AGBL4: variants seen among roughly 807,000 people sequenced by gnomAD.
AGBL4 encodes cytosolic carboxypeptidase 6.
A neutral mutation model predicts 66.4 loss-of-function variants in AGBL4; 58 were observed. The ratio of observed to expected loss-of-function variants is 0.87; its 90% CI spans 0.71 to 1.09. AGBL4 has a LOEUF of 1.09. AGBL4 is among the 50% of genes least tolerant of loss of function. AGBL4 has a pLI of 0.00. For missense variants in AGBL4, 579 were observed against 631.0 expected, an observed-to-expected ratio of 0.92 and a Z score of 0.88; for synonymous variants, 234 against 222.9, an observed-to-expected ratio of 1.05 and a Z score of -0.44.
chr1:49,606,695 G>A (rs554402895), intron 3 of AGBL4, among the ~76,000 whole-genome samples: 3 of 152,054 alleles, frequency 2.0e-5, no homozygotes, highest in East Asian at 3.9e-4. Context: ...TTATACATCA[G>A]GAAACAAAGA....
At chr1:49,508,941 T>C (rs1278677730) in intron 3 of AGBL4, among the ~76,000 whole-genome samples, 1 of 151,794 alleles carries the variant, frequency 6.6e-6, no homozygotes, top group Non-Finnish European at 1.5e-5. Context: ...ATGAGAATGA[T>C]ACAGAGAAGA....
chr1:48,630,156 G>T (rs1006937886), intron 9 of AGBL4, among the ~76,000 whole-genome samples: 1 of 152,188 alleles, frequency 6.6e-6, no homozygotes, highest in African/African-American at 2.4e-5. Context: ...ATCAACGGTA[G>T]TCCTCTTGGT....
At chr1:48,939,974 G>C (rs1210368386) in intron 5 of AGBL4, among the ~76,000 whole-genome samples, 5 of 152,160 alleles carry the variant, frequency 3.3e-5, no homozygotes, top group Non-Finnish European at 7.3e-5. Context: ...ACAATGCACA[G>C]GACAGACCAC....
intron 3 of AGBL4, among the ~76,000 whole-genome samples, chr1:49,299,172 C>T (rs1644698803): frequency 6.6e-6 from 1 of 152,072 alleles, no homozygotes; most frequent in African/African-American, 2.4e-5. Flanking sequence ...TTGTAAGTAA[C>T]TTGGCATAGG....
At chr1:49,644,827 G>A (rs1645853441) in intron 3 of AGBL4, among the ~76,000 whole-genome samples, 1 of 151,288 alleles carries the variant, frequency 6.6e-6, no homozygotes, top group Admixed American at 6.6e-5. Context: ...TCCTTTTAAA[G>A]GGCACATGAA....
intron 1 of AGBL4, among the ~76,000 whole-genome samples, chr1:49,861,684 G>T (rs1646576485): frequency 6.6e-6 from 1 of 152,158 alleles, no homozygotes; most frequent in Non-Finnish European, 1.5e-5. Context: ...AGGTAGCCCA[G>T]AAAACAGAGA....
At chr1:49,355,700 T>C (rs910393744) in intron 3 of AGBL4, among the ~76,000 whole-genome samples, 1 of 152,242 alleles carries the variant, frequency 6.6e-6, no homozygotes, top group African/African-American at 2.4e-5. Context: ...TCCAGCATAA[T>C]ACTTTTTTGC....
At chr1:48,633,232 C>A (rs1309102630) in intron 9 of AGBL4, among the ~76,000 whole-genome samples, 1 of 152,184 alleles carries the variant, frequency 6.6e-6, no homozygotes, top group Admixed American at 6.5e-5. Flanking sequence ...TCAGGACTGA[C>A]TTTTTCATTA....
intron 8 of AGBL4, among the ~76,000 whole-genome samples, chr1:48,644,335 C>T (rs747760006): frequency 6.6e-6 from 1 of 152,184 alleles, no homozygotes; most frequent in African/African-American, 2.4e-5. Context: ...CTGACTTTCC[C>T]TATCCCAACC....
At chr1:49,450,391 A>G (rs188244276) in intron 3 of AGBL4, among the ~76,000 whole-genome samples, 4 of 152,214 alleles carry the variant, frequency 2.6e-5, no homozygotes, top group Admixed American at 2.6e-4. Context: ...CAATATTTAA[A>G]AGTTGAGCAG....
At position 49,831,867 on chromosome 1, in the gene AGBL4, T is replaced by C. The variant is rs534690905; in HGVS notation, c.157+19529A>G. On this transcript the variant is annotated intron_variant, in intron 2 of 13. Coordinates refer to ENST00000371839, the MANE Select transcript of AGBL4 (RefSeq NM_032785.4). ...ACCTTTTCTGCATCTATGGAGATAATTGTGGCTGTTGTCATTGGTTCTGTT... is the reference window on the plus strand; with the variant it reads ...ACCTTTTCTGCATCTATGGAGATAACTGTGGCTGTTGTCATTGGTTCTGTT... Among the ~76,000 whole-genome samples, 131 of 152,290 alleles carry C rather than the reference T, an allele frequency of 8.6e-4. 1 individual carries two copies. Among genetic ancestry groups the C allele is most frequent in the African/African-American group, 3.0e-3 (126 of 41,572 alleles).
rs1266099090 is a variant in AGBL4, at chr1:48,709,923, C to T, written c.635-46682G>A. ...GGCCTGCCAGGCATTATTTTAAGAG[C>T]TTTGAATAATTAACCAATTGAATCT... On this transcript the variant is annotated intron_variant, in intron 6 of 13. Coordinates refer to ENST00000371839, the MANE Select transcript of AGBL4 (RefSeq NM_032785.4). Among the ~76,000 whole-genome samples, 3 of 152,088 alleles carry T rather than the reference C, an allele frequency of 2.0e-5. No homozygotes were observed. In the East Asian group the frequency reaches 5.8e-4, roughly 29 times the overall value.
chr1:49,485,572 C>G (rs1557984841), intron 3 of AGBL4, among the ~76,000 whole-genome samples: 1 of 150,524 alleles, frequency 6.6e-6, no homozygotes, highest in Non-Finnish European at 1.5e-5. Context: ...CTAACCTGCA[C>G]ATTGTGCACA....
chr1:49,954,465 C>T (rs1656425585), intron 1 of AGBL4, among the ~76,000 whole-genome samples: 1 of 151,966 alleles, frequency 6.6e-6, no homozygotes, highest in African/African-American at 2.4e-5. Context: ...CCACCATATT[C>T]TTGCCCTTCC....
chr1:48,843,308 A>T (rs1245778612), intron 6 of AGBL4, among the ~76,000 whole-genome samples: 2 of 152,218 alleles, frequency 1.3e-5, no homozygotes, highest in Admixed American at 1.3e-4. Flanking sequence ...TGAAATTTTC[A>T]TAATGAGGTG....
rs1353311574 is a variant in AGBL4, at chr1:48,736,185, T to TTGAC, written c.635-72948_635-72945dup. The TTGAC allele has an allele frequency of 6.4e-7, 1 of 1,551,692 alleles. No homozygotes were observed. Among genetic ancestry groups the TTGAC allele is most frequent in the African/African-American group, 1.4e-5 (1 of 73,408 alleles). Reference sequence around the variant, plus strand: ...GAATTGAATTGTGCCTAACACATTCTTGACAGAGTAAAAGACAGAATCCCA... The same window carrying TTGAC: ...GAATTGAATTGTGCCTAACACATTCTTGACTGACAGAGTAAAAGACAGAATCCCA... On this transcript the variant is annotated intron_variant, in intron 6 of 13. Coordinates refer to ENST00000371839, the MANE Select transcript of AGBL4 (RefSeq NM_032785.4). The surrounding 1 kb of genome is among the most constrained non-coding windows in gnomAD (Gnocchi z 4.0).
intron 1 of AGBL4, among the ~76,000 whole-genome samples, chr1:49,892,631 C>G (rs1648766916): frequency 6.6e-6 from 1 of 152,098 alleles, no homozygotes; most frequent in African/African-American, 2.4e-5. Context: ...TTAACCATTA[C>G]CATCTTCATC....
chr1:49,056,792 G>GA, intron 4 of AGBL4, among the ~76,000 whole-genome samples: 1 of 152,246 alleles, frequency 6.6e-6, no homozygotes, highest in East Asian at 1.9e-4. Flanking sequence ...GTGAGATTTG[G>GA]AATCTGTTTC....
chr1:48,660,334 CACA>C (rs2148452531), intron 7 of AGBL4, among the ~76,000 whole-genome samples: 1 of 152,342 alleles, frequency 6.6e-6, no homozygotes, highest in East Asian at 1.9e-4. Flanking sequence ...GCCAGATGGG[CACA>C]ACCGGCTTCA....
Sources: allele counts gnomAD v4.1 joint callset (sites outside exome capture counted in the v4.1 genomes callset), GRCh38; gene constraint gnomAD v4.1.1; non-coding constraint Gnocchi (gnomAD v3.1); transcripts MANE v1.5; gene names NCBI Gene and HGNC (gene_info 2026-07-23, HGNC 2026-07-21).